SCN8A: variants seen among roughly 807,000 people sequenced by gnomAD.
The protein encoded by SCN8A is sodium voltage-gated channel alpha subunit 8.
In SCN8A, 30 loss-of-function variants were observed where a neutral mutation model predicts 184.1. That is an observed-to-expected ratio of 0.16 (90% CI 0.12 to 0.22). The LOEUF (loss-of-function observed/expected upper bound fraction) is 0.22. Among genes scored for constraint, SCN8A ranks in the 10% least tolerant of loss-of-function variants. SCN8A has a pLI of 1.00. For synonymous variants in SCN8A, 852 were observed against 907.0 expected (o/e 0.94, Z 1.09); for missense variants, 1,057 against 2,498.9 (o/e 0.42, Z 12.30).
chr12:51,678,295 C>A (rs778562125), intron 2 of SCN8A, among the ~76,000 whole-genome samples: 52 of 152,158 alleles, frequency 3.4e-4, no homozygotes, highest in Admixed American at 7.2e-4. Context: ...TATGCTCCCC[C>A]CTGCTGACAT....
chr12:51,641,213 T>A (rs563099161), intron 1 of SCN8A, among the ~76,000 whole-genome samples: 1 of 152,190 alleles, frequency 6.6e-6, no homozygotes, highest in Non-Finnish European at 1.5e-5. Flanking sequence ...ATTTAAAGTA[T>A]ATAGGAGGCT....
intron 1 of SCN8A, among the ~76,000 whole-genome samples, chr12:51,605,002 T>A (rs866962792): frequency 5.9e-5 from 9 of 152,188 alleles, no homozygotes; most frequent in African/African-American, 2.2e-4. Context: ...CCTCCTAACG[T>A]CCACCCTAAA....
intron 11 of SCN8A, among the ~76,000 whole-genome samples, chr12:51,717,494 A>G (rs893244919): frequency 1.1e-4 from 16 of 152,244 alleles, no homozygotes; most frequent in Non-Finnish European, 2.2e-4. Flanking sequence ...CAGACCAATA[A>G]CAAGTCATGT....
chr12:51,650,850 A>AG (rs1491302685), intron 1 of SCN8A, among the ~76,000 whole-genome samples: 1 of 152,190 alleles, frequency 6.6e-6, no homozygotes, highest in Non-Finnish European at 1.5e-5. Context: ...GTGGGAAATC[A>AG]GGGGTCTCAT....
At chr12:51,665,026 T>G (rs1336121357) in intron 2 of SCN8A, among the ~76,000 whole-genome samples, 2 of 152,212 alleles carry the variant, frequency 1.3e-5, no homozygotes, top group African/African-American at 4.8e-5. Flanking sequence ...GATAATGGCT[T>G]CCAGCACCAT....
intron 2 of SCN8A, among the ~76,000 whole-genome samples, chr12:51,665,779 G>A (rs1052436554): frequency 1.3e-5 from 2 of 152,024 alleles, no homozygotes; most frequent in African/African-American, 2.4e-5. Flanking sequence ...AATGAAGACC[G>A]TAGGCTGGGC....
chr12:51,670,290 G>T (rs150516233), intron 2 of SCN8A, among the ~76,000 whole-genome samples: 51 of 152,290 alleles, frequency 3.3e-4, no homozygotes, highest in African/African-American at 1.2e-3. Flanking sequence ...TCTTATTTCT[G>T]ATCCCATCCC....
At chr12:51,688,037 A>C (rs1049399058) in intron 5 of SCN8A, among the ~76,000 whole-genome samples, 1 of 152,226 alleles carries the variant, frequency 6.6e-6, no homozygotes. Context: ...AATAAATGAT[A>C]TGCATCGAAT....
At chr12:51,659,500 A>G (rs1337381074) in intron 1 of SCN8A, among the ~76,000 whole-genome samples, 1 of 152,262 alleles carries the variant, frequency 6.6e-6, no homozygotes, top group Non-Finnish European at 1.5e-5. Flanking sequence ...TTACCAGCGC[A>G]GGTGTTCTTG....
chr12:51,653,640 A>G (rs1940763452), intron 1 of SCN8A, among the ~76,000 whole-genome samples: 1 of 152,230 alleles, frequency 6.6e-6, no homozygotes, highest in East Asian at 1.9e-4. Context: ...TGCTGCTAAG[A>G]ACATGTGTGT....
chr12:51,721,354 C>T (rs188688089), intron 11 of SCN8A, among the ~76,000 whole-genome samples, 192 bp from the exon 12 acceptor site: 3 of 152,002 alleles, frequency 2.0e-5, no homozygotes, highest in Admixed American at 2.0e-4. Flanking sequence ...ACTGGTCAAG[C>T]ACAGGTGAGT....
chr12:51,771,406 G>A (rs774829149), intron 19 of SCN8A, among the ~76,000 whole-genome samples: 7 of 151,978 alleles, frequency 4.6e-5, no homozygotes, highest in Non-Finnish European at 1.0e-4. Context: ...ATTCATGTAG[G>A]TGTGGAATCA....
intron 11 of SCN8A, chr12:51,713,215 C>T: frequency 1.7e-6 from 2 of 1,162,590 alleles, no homozygotes; most frequent in South Asian, 2.4e-5. Flanking sequence ...TGTAATACCA[C>T]CAACAAAAAT....
rs998915416 is a variant in SCN8A at position 51,810,302 on chromosome 12, C to T, written c.*2873C>T. 6.7e-6 allele frequency: 2 copies of T among 300,256 alleles called. No individual in the cohort carries two copies. Among genetic ancestry groups the T allele is most frequent in the African/African-American group, 2.3e-5 (1 of 43,700 alleles). The allele number at this position is 300,256 out of a possible 1,614,324, so 18.6% of individuals were successfully genotyped here. A position where few individuals can be genotyped will look rare whatever the true frequency, so the allele number is the denominator to read the frequency against. On this transcript the variant is annotated 3_prime_UTR_variant, in exon 27 of 27. Coordinates refer to ENST00000627620, the MANE Select transcript of SCN8A (RefSeq NM_001330260.2). Reference sequence around the variant, plus strand: ...TTTTATCCTTCACCCACTGTCCTTCCACCTGCTCACTCACTCACTCTCTCA... The same window carrying T: ...TTTTATCCTTCACCCACTGTCCTTCTACCTGCTCACTCACTCACTCTCTCA...
intron 1 of SCN8A, among the ~76,000 whole-genome samples, chr12:51,609,824 G>A (rs1169959992): frequency 7.3e-6 from 1 of 136,072 alleles, no homozygotes; most frequent in Non-Finnish European, 1.6e-5. Context: ...GTGGGGTGTG[G>A]GGAGGGGGGA....
Position 51,756,305 on chromosome 12 carries a change from A to G in SCN8A, c.2370+4712A>G, listed in dbSNP as rs377061866. On this transcript the variant is annotated intron_variant, in intron 14 of 26. Transcript: ENST00000627620. ...CCTCCTCACCCTGATGAGCTCTCAC[A>G]CCCTCACTGTCCACCTCCCTGTTTG... is the stretch of plus-strand genomic sequence containing the variant. Among the ~76,000 whole-genome samples the G allele has an allele frequency of 1.2e-3, 177 of 151,730 alleles. No homozygotes were observed. In the Middle Eastern group the frequency reaches 0.014, roughly 12 times the overall value.
chr12:51,708,946 C>G (rs1278379219), intron 11 of SCN8A, among the ~76,000 whole-genome samples: 6 of 152,118 alleles, frequency 3.9e-5, no homozygotes, highest in African/African-American at 1.2e-4. Context: ...TACAGTGAGA[C>G]AGCTGAATAC....
intron 14 of SCN8A, among the ~76,000 whole-genome samples, chr12:51,753,889 G>T (rs187794488): frequency 6.6e-6 from 1 of 151,914 alleles, no homozygotes; most frequent in East Asian, 1.9e-4. Flanking sequence ...TAAGAGGATG[G>T]AAAAAAAATG....
intron 6 of SCN8A, among the ~76,000 whole-genome samples, chr12:51,699,231 A>T (rs1352876497): frequency 2.6e-5 from 4 of 152,346 alleles, no homozygotes; most frequent in African/African-American, 4.8e-5. Context: ...AGGCAGAGGG[A>T]ACAGCAGGTA....
Sources: allele counts gnomAD v4.1 joint callset (sites outside exome capture counted in the v4.1 genomes callset), GRCh38; gene constraint gnomAD v4.1.1; transcripts MANE v1.5; gene names NCBI Gene and HGNC (gene_info 2026-07-23, HGNC 2026-07-21).